POC1B: variants seen among roughly 807,000 people sequenced by gnomAD.
The protein encoded by POC1B is POC1 centriolar protein homolog B.
A neutral mutation model predicts 60.6 loss-of-function variants in POC1B; 44 were observed. That is an observed-to-expected ratio of 0.73 (90% CI 0.57 to 0.93). The LOEUF (loss-of-function observed/expected upper bound fraction) is 0.93. Ranked by LOEUF, POC1B falls within the 40% of genes least tolerant of loss-of-function variation. The pLI, the probability that POC1B is intolerant of heterozygous loss-of-function variation, is 0.00. For synonymous variants in POC1B, 180 were observed against 198.9 expected, an observed-to-expected ratio of 0.90 and a Z score of 0.80; for missense variants, 555 against 572.3, an observed-to-expected ratio of 0.97 and a Z score of 0.31.
intron 4 of POC1B, among the ~76,000 whole-genome samples, chr12:89,475,878 T>C (rs76489561): frequency 8.0e-4 from 121 of 151,350 alleles, no homozygotes; most frequent in African/African-American, 2.8e-3. Flanking sequence ...CCTTAAACTT[T>C]ACTGGTATTC....
intron 10 of POC1B, among the ~76,000 whole-genome samples, chr12:89,453,688 C>T (rs1245328567): frequency 2.0e-5 from 3 of 152,200 alleles, no homozygotes; most frequent in Non-Finnish European, 4.4e-5. Flanking sequence ...TTTTAAGACA[C>T]TGAAGTTCAC....
At chr12:89,451,977 C>A (rs1357199460) in intron 10 of POC1B, among the ~76,000 whole-genome samples, 1 of 152,134 alleles carries the variant, frequency 6.6e-6, no homozygotes, top group African/African-American at 2.4e-5. Context: ...GGCTGACAGT[C>A]CAGGAGACAA....
At chr12:89,500,594 T>G in intron 2 of POC1B, 1 of 1,602,016 alleles carries the variant, frequency 6.2e-7, no homozygotes, top group Non-Finnish European at 8.5e-7. Flanking sequence ...TGCAAAAACA[T>G]CTGTATCGCA....
intron 10 of POC1B, among the ~76,000 whole-genome samples, chr12:89,445,525 A>G (rs1881741613): frequency 6.6e-6 from 1 of 152,248 alleles, no homozygotes; most frequent in South Asian, 2.1e-4. Context: ...CCTATTTAAT[A>G]AATGGTGCTG....
chr12:89,502,682 G>C (rs1335321900), intron 2 of POC1B: 4 of 1,335,108 alleles, frequency 3.0e-6, no homozygotes, highest in Non-Finnish European at 4.3e-6. Context: ...TGAGTTGAAG[G>C]TATATAACAC....
rs150068492 is a variant in POC1B at position 89,451,158 on chromosome 12, A to C, written c.1113+8480T>G. 2.6e-5 allele frequency among the ~76,000 whole-genome samples: 4 copies of C among 152,244 alleles called. No homozygotes were observed. The East Asian group carries it at 7.7e-4, about 29-fold the overall frequency. ...TGAAAAGGAAAAGGAAATGCCTGGC[A>C]TTCCTTCTCTATCTCCCCTTCAACT... is the stretch of plus-strand genomic sequence containing the variant. On this transcript the variant is annotated intron_variant, in intron 10 of 11. Coordinates refer to ENST00000313546, the MANE Select transcript of POC1B (RefSeq NM_172240.3).
At chr12:89,497,969 T>G (rs1433651820) in intron 2 of POC1B, among the ~76,000 whole-genome samples, 4 of 152,200 alleles carry the variant, frequency 2.6e-5, no homozygotes, top group Non-Finnish European at 5.9e-5. Context: ...CTGAACCATT[T>G]AGGAGTAAGT....
At chr12:89,476,307 T>C (rs1883100266) in intron 4 of POC1B, among the ~76,000 whole-genome samples, 1 of 152,192 alleles carries the variant, frequency 6.6e-6, no homozygotes, top group African/African-American at 2.4e-5. Flanking sequence ...ACTTGGAATC[T>C]ACAGAGTTCC....
the POC1B span, among the ~76,000 whole-genome samples, chr12:89,411,616 A>G: frequency 2.0e-5 from 3 of 150,160 alleles, no homozygotes; most frequent in East Asian, 2.0e-4. Flanking sequence ...GAAAATAATG[A>G]AAGTCTTAGA....
At chr12:89,493,351 C>T (rs1433235764) in intron 3 of POC1B, among the ~76,000 whole-genome samples, 1 of 152,162 alleles carries the variant, frequency 6.6e-6, no homozygotes, top group Admixed American at 6.5e-5. Flanking sequence ...TAGCATCTAG[C>T]AATATGTCAA....
intron 2 of POC1B, among the ~76,000 whole-genome samples, chr12:89,507,091 GA>G (rs1248272239): frequency 6.6e-6 from 1 of 151,232 alleles, no homozygotes; most frequent in Non-Finnish European, 1.5e-5. Context: ...GCAACGTCTC[GA>G]AACCCCGTCT....
intron 2 of POC1B, chr12:89,500,044 G>T: frequency 8.4e-7 from 1 of 1,195,508 alleles, no homozygotes; most frequent in Non-Finnish European, 1.2e-6. Flanking sequence ...GCTGTGGTCT[G>T]TGTGGGCTTC....
chr12:89,514,170 G>A (rs191450073), intron 2 of POC1B, among the ~76,000 whole-genome samples: 35 of 152,112 alleles, frequency 2.3e-4, no homozygotes, highest in South Asian at 2.1e-3. Flanking sequence ...CCCCCTTGCC[G>A]TTCTCGTGAT....
chr12:89,472,371 A>C, intron 4 of POC1B, 96 bp from the exon 5 acceptor site: 4 of 767,370 alleles, frequency 5.2e-6, no homozygotes, highest in Non-Finnish European at 8.5e-6. Flanking sequence ...GTAAATATTA[A>C]ATACCAGAGA....
chr12:89,483,725 C>A (rs1267851951), intron 4 of POC1B, among the ~76,000 whole-genome samples: 2 of 152,136 alleles, frequency 1.3e-5, no homozygotes, highest in Admixed American at 6.5e-5. Context: ...AATTCTACAT[C>A]TCAGCAAAAA....
At chr12:89,474,050 AC>A (rs1462869301) in intron 4 of POC1B, among the ~76,000 whole-genome samples, 6 of 151,830 alleles carry the variant, frequency 4.0e-5, no homozygotes, top group Non-Finnish European at 8.8e-5. Flanking sequence ...ACTAAAAAAT[AC>A]AAAAATTAGT....
chr12:89,523,046 A>G (rs774017471), intron 2 of POC1B: 8 of 1,613,654 alleles, frequency 5.0e-6, no homozygotes, highest in Non-Finnish European at 6.8e-6. Flanking sequence ...TCTGCACATA[A>G]CTCTGTCACA....
chr12:89,487,930 T>G (rs1340391376), intron 4 of POC1B, among the ~76,000 whole-genome samples: 2 of 93,180 alleles, frequency 2.1e-5, no homozygotes, highest in Non-Finnish European at 4.5e-5. Flanking sequence ...CACACCATTT[T>G]ATAACTATTT....
chr12:89,483,635 AT>A (rs1391349045), intron 4 of POC1B, among the ~76,000 whole-genome samples: 2 of 152,128 alleles, frequency 1.3e-5, no homozygotes, highest in African/African-American at 4.8e-5. Flanking sequence ...CAACACATGA[AT>A]TTTTTGGGAG....
Sources: gnomAD v4.1 joint callset for allele counts (sites outside exome capture counted in the v4.1 genomes callset) on GRCh38, gnomAD v4.1.1 for gene constraint, MANE v1.5 for transcripts, NCBI Gene and HGNC (gene_info 2026-07-23, HGNC 2026-07-21) for gene names.